Variants in OTOA observed in about 807,000 individuals in gnomAD.
OTOA encodes the protein otoancorin.
In OTOA, 70 loss-of-function variants were observed where a neutral mutation model predicts 110.8. The observed-to-expected ratio is 0.63, with a 90% CI of 0.52 to 0.77. The LOEUF (loss-of-function observed/expected upper bound fraction) is 0.77, where lower values mean the gene tolerates loss of function less well. OTOA is among the 30% of genes least tolerant of loss of function. The pLI is 0.00. For missense variants in OTOA, 917 were observed against 1,075.8 expected (o/e 0.85, Z 2.06); for synonymous variants, 373 against 431.5 (o/e 0.86, Z 1.68).
At chr16:21,678,016 A>G (rs1966863963) in intron 1 of OTOA, among the ~76,000 whole-genome samples, 1 of 151,970 alleles carries the variant, frequency 6.6e-6, no homozygotes, top group Admixed American at 6.6e-5. Flanking sequence ...CCTCCCAAGT[A>G]GCTGGGACTA....
intron 1 of OTOA, among the ~76,000 whole-genome samples, chr16:21,673,423 T>C (rs1966851975): frequency 6.6e-6 from 1 of 152,144 alleles, no homozygotes; most frequent in Non-Finnish European, 1.5e-5. Flanking sequence ...GACCCAGAAC[T>C]CTCCTGGTGA....
In OTOA at chr16:21,678,592, A is replaced by G. The variant is rs938700685; in HGVS notation, c.78A>G (p.Pro26=). 1.4e-5 allele frequency: 22 copies of G among 1,613,772 alleles called. No individual in the cohort carries two copies. The highest frequency in any genetic ancestry group is 1.9e-5 in the Non-Finnish European group (22 of 1,179,868). ...LSHGVSSYTV[P]NSRQDLHPLL... Reference sequence around the variant, plus strand: ...ATGGAGTGTCGAGTTATACAGTGCCAAATTCCAGGCAGGGTAAGTCCTGAG... The same window carrying G: ...ATGGAGTGTCGAGTTATACAGTGCCGAATTCCAGGCAGGGTAAGTCCTGAG... Residue 26 remains proline (P), a synonymous_variant, in exon 2 of 29, where the codon CCA becomes CCG. Coordinates refer to ENST00000646100, the MANE Select transcript of OTOA (RefSeq NM_144672.4).
At chr16:21,739,047 CAG>C (rs1220343064) in intron 22 of OTOA, among the ~76,000 whole-genome samples, 2 of 152,312 alleles carry the variant, frequency 1.3e-5, no homozygotes, top group Non-Finnish European at 2.9e-5. Context: ...TTTCCATGCT[CAG>C]GGGAAGGAAG....
rs1205597564 is a variant in OTOA, at chr16:21,681,749, G to C, written c.191G>C (p.Trp64Ser). The C allele has an allele frequency of 6.2e-7, 1 of 1,613,874 alleles. No individual in the cohort carries two copies. The change falls in exon 6 of 29, where the codon TGG becomes TCG. Residue 64 changes from tryptophan to serine, a missense_variant. By Grantham distance (177) the Trp-to-Ser change is radical. Transcript: ENST00000646100. ...DLIQFQSSHV[W>S]TDDLSHRVLA... ...GTCTTCAACTGAAGCTCCCACGTGT[G>C]GACGGATGACCTGTCCCACAGAGTC...
intron 12 of OTOA, among the ~76,000 whole-genome samples, chr16:21,707,629 C>CT (rs1555499032): frequency 2.1e-5 from 2 of 97,522 alleles, no homozygotes; most frequent in African/African-American, 6.2e-5. Context: ...TTCTTTCTTT[C>CT]TTTCTTTCTT....
chr16:21,714,397 T>TCTTTC (rs1898474330), intron 13 of OTOA, among the ~76,000 whole-genome samples: 1 of 78,804 alleles, frequency 1.3e-5, no homozygotes, highest in African/African-American at 4.8e-5. Flanking sequence ...CTCTCTTTCT[T>TCTTTC]TCTCTTTCTT....
chr16:21,700,239 A>T (rs2141674987), intron 10 of OTOA, among the ~76,000 whole-genome samples: 1 of 152,326 alleles, frequency 6.6e-6, no homozygotes, highest in East Asian at 1.9e-4. Flanking sequence ...TCTATTAAAA[A>T]AATTCTGATT....
At chr16:21,714,504 C>G (rs1442164915) in intron 13 of OTOA, among the ~76,000 whole-genome samples, 3 of 137,906 alleles carry the variant, frequency 2.2e-5, no homozygotes, top group Admixed American at 7.6e-5. Context: ...CTCTCTCTTT[C>G]TTTCTTTCTT....
rs1439807070 is a variant in OTOA at position 21,678,962 on chromosome 16, G to A, written c.120+19G>A. 1.2e-6 allele frequency: 2 copies of A among 1,613,720 alleles called. No homozygotes were observed. The highest frequency in any genetic ancestry group is 1.7e-6 in the Non-Finnish European group (2 of 1,179,894). ...CATGGCGGTGAGTATTCTATTTTCT[G>A]TTAATCAGAGTCCCCTCTACTGGAA... On this transcript the variant is annotated intron_variant, in intron 3 of 28. Transcript: ENST00000646100.
At chr16:21,757,615 C>CTATTATTATTATTATTAT (rs557683434) in intron 28 of OTOA, among the ~76,000 whole-genome samples, 846 of 149,808 alleles carry the variant, frequency 5.6e-3, no homozygotes, top group African/African-American at 0.018. Context: ...TAATAATGAA[C>CTATTATTATTATTATTAT]TATTATTATT....
At chr16:21,673,748 T>C (rs1277601249) in intron 1 of OTOA, among the ~76,000 whole-genome samples, 3 of 152,160 alleles carry the variant, frequency 2.0e-5, no homozygotes, top group African/African-American at 7.2e-5. Context: ...TCAGCTACTA[T>C]GAATAAAGAT....
intron 5 of OTOA, among the ~76,000 whole-genome samples, chr16:21,681,367 G>A (rs1966889267): frequency 6.6e-6 from 1 of 152,010 alleles, no homozygotes; most frequent in Admixed American, 6.6e-5. Context: ...GAGGTGGGAG[G>A]ATTGCTTGAG....
intron 14 of OTOA, among the ~76,000 whole-genome samples, chr16:21,715,986 T>C (rs1471298327): frequency 6.6e-6 from 1 of 152,148 alleles, no homozygotes; most frequent in Non-Finnish European, 1.5e-5. Context: ...CTTGGTTCAC[T>C]GCAGCCTCCA....
In OTOA at chr16:21,692,339, A is replaced by G. The variant is rs572564898; in HGVS notation, c.739+652A>G. On this transcript the variant is annotated intron_variant, in intron 9 of 28. Transcript: ENST00000646100. ...GAGACTCCGTCTCGAAAAAAAAAAAAAGAGAGAGAGACAGAAGAGAATTTT... is the reference window on the plus strand; with the variant it reads ...GAGACTCCGTCTCGAAAAAAAAAAAGAGAGAGAGAGACAGAAGAGAATTTT... Among the ~76,000 whole-genome samples the G allele has an allele frequency of 1.2e-4, 19 of 152,146 alleles. No individual in the cohort carries two copies. The South Asian group carries it at 2.7e-3, about 22-fold the overall frequency.
rs1163731988 is a variant in OTOA, at chr16:21,675,718, GT to G, written c.-4-2786del. On this transcript the variant is annotated intron_variant, in intron 1 of 28. Transcript: ENST00000646100. ...TTTATCTCTAGAAGTTCCTCTTGGG[GT>G]TTTTTTCGCACCTACCATGTCTCTC... Among the ~76,000 whole-genome samples the G allele has an allele frequency of 2.0e-5, 3 of 151,842 alleles. No homozygotes were observed. In the East Asian group the frequency reaches 5.8e-4, roughly 29 times the overall value.
Position 21,683,981 on chromosome 16 carries a change from C to G in OTOA, c.268-1249C>G, listed in dbSNP as rs554465392. Among the ~76,000 whole-genome samples, 338 of 152,068 alleles carry G rather than the reference C, an allele frequency of 2.2e-3. 1 individual carries two copies. The highest frequency in any genetic ancestry group is 7.1e-3 in the African/African-American group (295 of 41,508). ...ATGGGGTTTCACTATGTTGGCCAGG[C>G]TGGTCTCAAACTCCTGACCTCATGA... On this transcript the variant is annotated intron_variant, in intron 6 of 28. Coordinates refer to ENST00000646100, the MANE Select transcript of OTOA (RefSeq NM_144672.4).
intron 7 of OTOA, 147 bp from the exon 8 acceptor site, chr16:21,687,266 A>C: frequency 1.4e-6 from 1 of 719,390 alleles, no homozygotes; most frequent in African/African-American, 1.7e-5. Flanking sequence ...TCTGCAGGGA[A>C]TGGAAAGTTC....
intron 7 of OTOA, 113 bp downstream of exon 7, chr16:21,685,474 T>C (rs531790718): frequency 1.4e-6 from 2 of 1,457,012 alleles, no homozygotes; most frequent in African/African-American, 1.4e-5. Context: ...TCTCTTCCTC[T>C]CTCCTTCTGC....
At position 21,708,708 on chromosome 16, in the gene OTOA, C is replaced by G. The variant is rs111606899; in HGVS notation, c.1105-1180C>G. ...TCTTCTACTTCACTCTGCTGCCCCCCAGTGGCTATTTCAATATTGCCAGAA... is the reference window on the plus strand; with the variant it reads ...TCTTCTACTTCACTCTGCTGCCCCCGAGTGGCTATTTCAATATTGCCAGAA... On this transcript the variant is annotated intron_variant, in intron 12 of 28. Coordinates refer to ENST00000646100, the MANE Select transcript of OTOA (RefSeq NM_144672.4). 2.8e-3 allele frequency among the ~76,000 whole-genome samples: 423 copies of G among 152,286 alleles called. 3 individuals carry two copies. The highest frequency in any genetic ancestry group is 9.4e-3 in the African/African-American group (391 of 41,560).
Sources: allele counts gnomAD v4.1 joint callset (sites outside exome capture counted in the v4.1 genomes callset), GRCh38; gene constraint gnomAD v4.1.1; transcripts MANE v1.5; gene names NCBI Gene and HGNC (gene_info 2026-07-23, HGNC 2026-07-21).